Variants in NOLC1 observed in about 807,000 individuals in gnomAD.
The protein encoded by NOLC1 is 140 kDa nucleolar phosphoprotein.
Under a neutral mutation model 73.4 loss-of-function variants are expected in NOLC1, and 37 were observed. That is an observed-to-expected ratio of 0.50 (90% CI 0.39 to 0.66). The LOEUF is 0.66. Ranked by LOEUF, NOLC1 falls within the 30% of genes least tolerant of loss-of-function variation. The pLI is 0.00. For missense variants in NOLC1, 921 were observed against 838.9 expected (o/e 1.10, Z -1.21); for synonymous variants, 327 against 302.6 (o/e 1.08, Z -0.84).
chr10:102,157,936 C>T, intron 4 of NOLC1, 113 bp from the exon 5 acceptor site: 1 of 962,308 alleles, frequency 1.0e-6, no homozygotes, highest in East Asian at 2.5e-5. Context: ...CTGTCCTTAG[C>T]TTTCTTTTGC....
chr10:102,162,575 T>C lies in NOLC1; in HGVS notation c.*306T>C, dbSNP rs2069732906. On this transcript the variant is annotated 3_prime_UTR_variant, in exon 13 of 13. Transcript: ENST00000605788. ...GTCCTCATACTGAGAAATTTGTATA[T>C]TTTATATTAAATCACTTACTATTGA... 5.0e-6 allele frequency: 1 copy of C among 199,226 alleles called. No homozygotes were observed. The highest frequency in any genetic ancestry group is 1.0e-5 in the Non-Finnish European group (1 of 99,498). 12.3% of individuals were successfully genotyped at this position (199,226 alleles called of 1,614,324 possible).
chr10:102,153,613 A>T (rs527829572), intron 1 of NOLC1, among the ~76,000 whole-genome samples: 1 of 151,584 alleles, frequency 6.6e-6, no homozygotes, highest in Admixed American at 6.6e-5. Context: ...TGTTAAGGAG[A>T]CTGCGGAGAG....
At chr10:102,159,608 A>G in intron 7 of NOLC1, 40 bp downstream of exon 7, 1 of 1,598,768 alleles carries the variant, frequency 6.3e-7, no homozygotes, top group Non-Finnish European at 8.5e-7. Context: ...GACTGTGGTC[A>G]GGGCCCAGCT....
chr10:102,157,692 C>T (rs2133756405), intron 4 of NOLC1, 137 bp downstream of exon 4: 2 of 1,070,236 alleles, frequency 1.9e-6, no homozygotes, highest in South Asian at 3.4e-5. Context: ...TGGGGATTTT[C>T]AGGGAGCTGA....
chr10:102,154,238 AT>A (rs71016366), intron 1 of NOLC1, among the ~76,000 whole-genome samples: 2,175 of 126,398 alleles, frequency 0.017, 35 homozygotes, highest in African/African-American at 0.053. Context: ...TGCCTGGCTA[AT>A]TTTTTTTTTT....
intron 10 of NOLC1, 89 bp downstream of exon 10, chr10:102,161,182 C>T: frequency 1.5e-6 from 2 of 1,347,574 alleles, no homozygotes; most frequent in Middle Eastern, 1.9e-4. Flanking sequence ...TGAGAGGAGG[C>T]CCACCACTGG....
At position 102,157,039 on chromosome 10, in the gene NOLC1, C is replaced by T. The variant is rs757813778; in HGVS notation, c.141C>T (p.Ala47=). ...ATGATQQDAN[A]SSLLDIYSFW... is the part of the protein sequence containing the mutation. ...TACAGACACAGCAGGATGCCAATGC[C>T]TCTTCCCTCTTAGACATCTATAGCT... The change falls in exon 2 of 13, where the codon GCC becomes GCT. Residue 47 remains alanine (A), a synonymous_variant. Transcript: ENST00000605788. The T allele has an allele frequency of 1.2e-6, 2 of 1,614,176 alleles. No individual in the cohort carries two copies. Among genetic ancestry groups the T allele is most frequent in the South Asian group, 2.2e-5 (2 of 91,084 alleles).
intron 1 of NOLC1, among the ~76,000 whole-genome samples, chr10:102,156,625 G>T (rs1048036267): frequency 6.6e-6 from 1 of 151,914 alleles, no homozygotes; most frequent in African/African-American, 2.4e-5. Flanking sequence ...AGTAGAGATG[G>T]GGTTTCACCA....
intron 3 of NOLC1, 34 bp downstream of exon 3, chr10:102,157,362 C>T: frequency 1.2e-6 from 2 of 1,613,046 alleles, no homozygotes; most frequent in Non-Finnish European, 1.7e-6. Flanking sequence ...TTGGTGGTGC[C>T]AGGAAAAGAA....
chr10:102,159,130 G>T, intron 5 of NOLC1, 63 bp from the exon 6 acceptor site: 1 of 1,520,018 alleles, frequency 6.6e-7, no homozygotes, highest in Non-Finnish European at 8.9e-7. Flanking sequence ...ATAGGAAGGA[G>T]GTTTTTCATG....
rs1446089950 is a variant in NOLC1, at chr10:102,162,994, C to T, written c.*725C>T. 2 of 152,164 alleles carry T rather than the reference C, an allele frequency of 1.3e-5. No individual in the cohort carries two copies. Among genetic ancestry groups the T allele is most frequent in the African/African-American group, 4.8e-5 (2 of 41,432 alleles). 9.4% of individuals were successfully genotyped at this position (152,164 alleles called of 1,614,324 possible). ...TAATTTTATCATTACACGATGTTTG[C>T]AATACGTGCTTTGTTTTTTAATTTG... On this transcript the variant is annotated 3_prime_UTR_variant, in exon 13 of 13. Transcript: ENST00000605788.
At position 102,157,345 on chromosome 10, in the gene NOLC1, G is replaced by A. The variant is rs2069616372; in HGVS notation, c.316+17G>A. On this transcript the variant is annotated intron_variant, in intron 3 of 12. Coordinates refer to ENST00000605788, the MANE Select transcript of NOLC1 (RefSeq NM_004741.5). Reference sequence around the variant, plus strand: ...AGAAGGCTGGTAAGGCAGAGTAGCAGGTGGGCTTGGTGGTGCCAGGAAAAG... The same window carrying A: ...AGAAGGCTGGTAAGGCAGAGTAGCAAGTGGGCTTGGTGGTGCCAGGAAAAG... 2.5e-6 allele frequency: 4 copies of A among 1,613,484 alleles called. No individual in the cohort carries two copies. The East Asian group carries it at 8.9e-5, about 36-fold the overall frequency.
At chr10:102,160,154 G>A (rs187201516) in intron 8 of NOLC1, 79 bp from the exon 9 acceptor site, 32 of 1,581,952 alleles carry the variant, frequency 2.0e-5, no homozygotes, top group Non-Finnish European at 2.3e-5. Flanking sequence ...GGCTCTGTGC[G>A]TGTCTTTGCA....
Position 102,159,957 on chromosome 10 carries a change from G to A in NOLC1, c.921G>A (p.Gln307=). Residue 307 remains glutamine, a synonymous_variant, in exon 8 of 13, where the codon CAG becomes CAA. Coordinates refer to ENST00000605788, the MANE Select transcript of NOLC1 (RefSeq NM_004741.5). ...APPPKKSLGT[Q]PPKKAVEKQQ... is the part of the protein sequence containing the mutation. ...CACCAAAGAAGTCTCTGGGAACCCAGCCTCCCAAGAAGGCTGTGGAGAAGC... is the reference window on the plus strand; with the variant it reads ...CACCAAAGAAGTCTCTGGGAACCCAACCTCCCAAGAAGGCTGTGGAGAAGC... The A allele has an allele frequency of 6.2e-7, 1 of 1,610,744 alleles. No homozygotes were observed. The highest frequency in any genetic ancestry group is 8.5e-7 in the Non-Finnish European group (1 of 1,178,506).
rs1360895894 is a variant in NOLC1 at position 102,163,183 on chromosome 10, A to G, written c.*914A>G. 1 of 152,226 alleles carries G rather than the reference A, an allele frequency of 6.6e-6. No homozygotes were observed. Among genetic ancestry groups the G allele is most frequent in the Admixed American group, 6.5e-5 (1 of 15,278 alleles). 9.4% of individuals were successfully genotyped at this position (152,226 alleles called of 1,614,324 possible). ...CACTTGGTATTGCTGTCTTGGTTGCAGTGGTGATACAGAATTGGTTTCATT... is the reference window on the plus strand; with the variant it reads ...CACTTGGTATTGCTGTCTTGGTTGCGGTGGTGATACAGAATTGGTTTCATT... On this transcript the variant is annotated 3_prime_UTR_variant, in exon 13 of 13. Coordinates refer to ENST00000605788, the MANE Select transcript of NOLC1 (RefSeq NM_004741.5).
At chr10:102,156,506 A>C (rs1247979652) in intron 1 of NOLC1, among the ~76,000 whole-genome samples, 2 of 150,696 alleles carry the variant, frequency 1.3e-5, no homozygotes, top group African/African-American at 5.0e-5. Flanking sequence ...CCTAGGTTCA[A>C]GTGATTCTCC....
chr10:102,159,158 T>C, intron 5 of NOLC1, 35 bp from the exon 6 acceptor site: 1 of 1,571,870 alleles, frequency 6.4e-7, no homozygotes, highest in Non-Finnish European at 8.7e-7. Flanking sequence ...CTTGCCCTAA[T>C]ACTCCTTACT....
chr10:102,160,350 C>T lies in NOLC1; in HGVS notation c.1099+7C>T. The T allele has an allele frequency of 6.2e-7, 1 of 1,613,704 alleles. No individual in the cohort carries two copies. The highest frequency in any genetic ancestry group is 1.1e-5 in the South Asian group (1 of 91,070). On this transcript the variant is annotated splice_region_variant and intron_variant, in intron 9 of 12. Transcript: ENST00000605788. The stretch of plus-strand genomic sequence containing the variant: ...AGCTCTTCAGACAGCTCAGGTAAGG[C>T]ATATGGAGGCCCTCAGTTCAGTGAG...
At chr10:102,154,429 G>A (rs2069556818) in intron 1 of NOLC1, among the ~76,000 whole-genome samples, 1 of 151,994 alleles carries the variant, frequency 6.6e-6, no homozygotes. Flanking sequence ...GAGATGTGTA[G>A]TATTATCTCC....
Sources: gnomAD v4.1 joint callset for allele counts (sites outside exome capture counted in the v4.1 genomes callset) on GRCh38, gnomAD v4.1.1 for gene constraint, MANE v1.5 for transcripts, NCBI Gene and HGNC (gene_info 2026-07-23, HGNC 2026-07-21) for gene names.